PRR12: variants seen among roughly 807,000 people sequenced by gnomAD.
PRR12 encodes the protein proline rich 12.
A neutral mutation model predicts 138.0 loss-of-function variants in PRR12; 12 were observed. The observed-to-expected ratio is 0.09, with a 90% CI of 0.06 to 0.14. The LOEUF is 0.14. PRR12 is among the 10% of genes least tolerant of loss of function. The pLI is 1.00. For synonymous variants in PRR12, 1,567 were observed against 1,291.7 expected (o/e 1.21, Z -4.57); for missense variants, 2,692 against 2,861.3 (o/e 0.94, Z 1.35).
rs764931342 is a variant in PRR12, at chr19:49,620,505, G to T, written c.5623+28G>T. On this transcript the variant is annotated intron_variant, in intron 10 of 13. Transcript: ENST00000418929. Reference sequence around the variant, plus strand: ...GAGCTGAGGCCTGGGGAGGAGGGGGGGGGGCTGACTCGGTCTGAGGGAGCA... The same window carrying T: ...GAGCTGAGGCCTGGGGAGGAGGGGGTGGGGCTGACTCGGTCTGAGGGAGCA... 517 of 1,534,460 alleles carry T rather than the reference G, an allele frequency of 3.4e-4. 4 individuals carry two copies. The highest frequency in any genetic ancestry group is 2.4e-3 in the Middle Eastern group (14 of 5,946).
rs1326865375 is a variant in PRR12 at position 49,599,959 on chromosome 19, C to T, written c.4345+21C>T. ...TCCCGGTGAGCTCTGGGCAGGTGGT[C>T]TGGGAGTAGAGCTTAAAGGTTATTA... On this transcript the variant is annotated intron_variant, in intron 5 of 13. Transcript: ENST00000418929. The surrounding 1 kb of genome is among the most constrained non-coding windows in gnomAD (Gnocchi z 5.0). The T allele has an allele frequency of 6.4e-7, 1 of 1,570,620 alleles. No homozygotes were observed. Among genetic ancestry groups the T allele is most frequent in the Admixed American group, 1.8e-5 (1 of 54,920 alleles).
rs1488654441 is a variant in PRR12, at chr19:49,595,298, C to G, written c.963C>G (p.Pro321=). Reference sequence around the variant, plus strand: ...ATCTGAGCTGTGGAGGCAGCTACCCCTCCATGGGCCACCGGGCCAACCTGG... The same window carrying G: ...ATCTGAGCTGTGGAGGCAGCTACCCGTCCATGGGCCACCGGGCCAACCTGG... ...QHYLSCGGSY[P]SMGHRANLAC... is the part of the protein sequence containing the mutation. The change falls in exon 4 of 14, where the codon CCC becomes CCG. Residue 321 remains proline, a synonymous_variant. Transcript: ENST00000418929. The G allele has an allele frequency of 1.3e-6, 2 of 1,545,364 alleles. No homozygotes were observed. Among genetic ancestry groups the G allele is most frequent in the Admixed American group, 3.9e-5 (2 of 51,014 alleles).
intron 6 of PRR12, among the ~76,000 whole-genome samples, chr19:49,605,120 G>A (rs2080831838): frequency 6.6e-6 from 1 of 151,900 alleles, no homozygotes. Flanking sequence ...CAAAGTGCTG[G>A]GATTACAGGA....
At chr19:49,603,519 C>T (rs1306436778) in intron 6 of PRR12, among the ~76,000 whole-genome samples, 1 of 152,116 alleles carries the variant, frequency 6.6e-6, no homozygotes, top group African/African-American at 2.4e-5. Context: ...GGTGAAACCC[C>T]GTCTTTACTA....
rs184147264 is a variant in PRR12 at position 49,616,291 on chromosome 19, G to C, written c.5497+72G>C. On this transcript the variant is annotated intron_variant, in intron 9 of 13. Transcript: ENST00000418929. This position sits in a 1 kb window ranked among gnomAD's most constrained non-coding sequence, Gnocchi z 4.2. ...GACACAGGTGAGGGCTGTCCAGAGG[G>C]CTCCAGGTAGCCTTGGCAGGACAGT... 2.3e-6 allele frequency: 3 copies of C among 1,325,336 alleles called. No homozygotes were observed. The highest frequency in any genetic ancestry group is 3.0e-5 in the African/African-American group (2 of 67,110). 82.1% of individuals were successfully genotyped at this position (1,325,336 alleles called of 1,614,324 possible).
chr19:49,596,155 G>T lies in PRR12; in HGVS notation c.1820G>T (p.Ser607Ile), dbSNP rs572238903. Residue 607 changes from serine (S) to isoleucine (I), a missense_variant, in exon 4 of 14, where the codon AGC becomes ATC. Physicochemically the swap from Ser to Ile is moderately radical, Grantham distance 142. Transcript: ENST00000418929. This position sits in a 1 kb window ranked among gnomAD's most constrained non-coding sequence, Gnocchi z 5.6. ...APFLAPPGAG[S>I]YAAGAGGYKG... is the part of the protein sequence containing the mutation. ...TTCCTGGCACCTCCGGGAGCTGGCAGCTATGCAGCCGGAGCAGGTGGCTAC... is the reference window on the plus strand; with the variant it reads ...TTCCTGGCACCTCCGGGAGCTGGCATCTATGCAGCCGGAGCAGGTGGCTAC... The T allele has an allele frequency of 7.5e-6, 12 of 1,607,840 alleles. No individual in the cohort carries two copies. Among genetic ancestry groups the T allele is most frequent in the Middle Eastern group, 1.7e-4 (1 of 6,060 alleles).
intron 9 of PRR12, among the ~76,000 whole-genome samples, chr19:49,618,104 T>G (rs1032054948): frequency 6.6e-6 from 1 of 152,200 alleles, no homozygotes; most frequent in South Asian, 2.1e-4. Flanking sequence ...TCTCAATAAA[T>G]GAATGAACGA....
At position 49,595,891 on chromosome 19, in the gene PRR12, C is replaced by T; in HGVS notation, c.1556C>T (p.Ala519Val). The T allele has an allele frequency of 6.2e-7, 1 of 1,603,430 alleles. No homozygotes were observed. Among genetic ancestry groups the T allele is most frequent in the Non-Finnish European group, 8.5e-7 (1 of 1,179,520 alleles). ...GGCGAGCCATACCCAGGGCCAGCCG[C>T]CCACTCCCAGGGGCTGCCCACAGCC... Reference protein sequence around the residue: ...VQGEPYPGPAAHSQGLPTASP... With the variant: ...VQGEPYPGPAVHSQGLPTASP... The change falls in exon 4 of 14, where the codon GCC (alanine) becomes GTC (valine). Residue 519 changes from alanine (A) to valine (V), a missense_variant. Physicochemically the swap from Ala to Val is moderately conservative, Grantham distance 64. Transcript: ENST00000418929.
In PRR12 at chr19:49,599,970, G is replaced by A; in HGVS notation, c.4345+32G>A. The A allele has an allele frequency of 6.5e-7, 1 of 1,542,846 alleles. No homozygotes were observed. Among genetic ancestry groups the A allele is most frequent in the Non-Finnish European group, 8.8e-7 (1 of 1,142,418 alleles). ...TCTGGGCAGGTGGTCTGGGAGTAGA[G>A]CTTAAAGGTTATTATGATCACTAGG... is the stretch of plus-strand genomic sequence containing the variant. On this transcript the variant is annotated intron_variant, in intron 5 of 13. Transcript: ENST00000418929. The surrounding 1 kb of genome is among the most constrained non-coding windows in gnomAD (Gnocchi z 5.0).
chr19:49,606,846 C>T (rs920953197), intron 6 of PRR12, among the ~76,000 whole-genome samples: 1 of 151,308 alleles, frequency 6.6e-6, no homozygotes, highest in African/African-American at 2.4e-5. Flanking sequence ...GGGGTTTCAC[C>T]ATGTTGGTCA....
In PRR12 at chr19:49,594,814, G is replaced by A; in HGVS notation, c.479G>A (p.Arg160His). 1.2e-6 allele frequency: 2 copies of A among 1,611,960 alleles called. No individual in the cohort carries two copies. The highest frequency in any genetic ancestry group is 1.7e-6 in the Non-Finnish European group (2 of 1,179,418). ...AYQHPASFGSRPFPVPSSLSL... is the reference protein window; with the variant it reads ...AYQHPASFGSHPFPVPSSLSL... ...CAACACCCGGCTTCCTTCGGCAGCC[G>A]CCCCTTCCCAGTGCCCTCGTCCCTC... The change falls in exon 4 of 14, where the codon CGC becomes CAC. Residue 160 changes from arginine to histidine, a missense_variant. Around this residue, in one of 11 missense-constraint regions of PRR12, gnomAD observed 211 missense variants for 266.3 expected, o/e 0.79. Coordinates refer to ENST00000418929, the MANE Select transcript of PRR12 (RefSeq NM_020719.3). This position sits in a 1 kb window ranked among gnomAD's most constrained non-coding sequence, Gnocchi z 5.6.
chr19:49,624,401 G>C (rs745704223), intron 11 of PRR12, among the ~76,000 whole-genome samples: 14 of 150,006 alleles, frequency 9.3e-5, no homozygotes, highest in Non-Finnish European at 1.6e-4. Context: ...GGGATAGATA[G>C]TTAGGATGGG....
chr19:49,602,147 G>A lies in PRR12; in HGVS notation c.4773+229G>A, dbSNP rs573388866. 1.4e-3 allele frequency among the ~76,000 whole-genome samples: 212 copies of A among 152,312 alleles called. 1 individual carries two copies. The highest frequency in any genetic ancestry group is 3.4e-3 in the Middle Eastern group (1 of 294). On this transcript the variant is annotated intron_variant, in intron 6 of 13. Coordinates refer to ENST00000418929, the MANE Select transcript of PRR12 (RefSeq NM_020719.3). ...GCATTACCTGTATATAAGGTAAAGC[G>A]ATTGTTAACGCGTATGTGTCTATAT...
At position 49,601,695 on chromosome 19, in the gene PRR12, C is replaced by T. The variant is rs776766320; in HGVS notation, c.4550C>T (p.Pro1517Leu). The change falls in exon 6 of 14, where the codon CCA becomes CTA. Residue 1517 changes from proline to leucine, a missense_variant. Pro to Leu is a moderately conservative substitution (Grantham distance 98). This residue lies in a region of PRR12 where 231 missense variants were observed against 200.8 expected (regional missense o/e 1.15). Coordinates refer to ENST00000418929, the MANE Select transcript of PRR12 (RefSeq NM_020719.3). ...ATGCCCTCGCCTCCACCACCACCCCCACCAGCCGCTGCCCCACTGGCTGCT... is the reference window on the plus strand; with the variant it reads ...ATGCCCTCGCCTCCACCACCACCCCTACCAGCCGCTGCCCCACTGGCTGCT... ...PAMPSPPPPP[P>L]PAAAPLAAPP... 8.4e-6 allele frequency: 13 copies of T among 1,539,792 alleles called. No homozygotes were observed. In the East Asian group the frequency reaches 9.8e-5, roughly 12 times the overall value.
chr19:49,607,781 G>A (rs2080846371), intron 6 of PRR12, among the ~76,000 whole-genome samples: 1 of 152,000 alleles, frequency 6.6e-6, no homozygotes, highest in Non-Finnish European at 1.5e-5. Context: ...CACTTTGGGA[G>A]GCTAAAGCAG....
At position 49,595,107 on chromosome 19, in the gene PRR12, G is replaced by A. The variant is rs773941735; in HGVS notation, c.772G>A (p.Ala258Thr). Residue 258 changes from alanine (A) to threonine (T), a missense_variant, in exon 4 of 14, where the codon GCC becomes ACC. Transcript: ENST00000418929. ...LASSSAAAAA[A>T]EQSSPQLYNF... ...TTCCTCTTCCGCTGCCGCCGCCGCTGCCGAGCAGTCCTCCCCACAGCTCTA... is the reference window on the plus strand; with the variant it reads ...TTCCTCTTCCGCTGCCGCCGCCGCTACCGAGCAGTCCTCCCCACAGCTCTA... The A allele has an allele frequency of 6.2e-7, 1 of 1,611,954 alleles. No homozygotes were observed. The highest frequency in any genetic ancestry group is 8.5e-7 in the Non-Finnish European group (1 of 1,179,696).
Position 49,597,764 on chromosome 19 carries a change from C to T in PRR12, c.3429C>T (p.Cys1143=), listed in dbSNP as rs898106269. ...ALSPLGDIDF[C]PPNPGPDGPR... ...CGCCACTGGGGGACATCGACTTCTG[C>T]CCACCCAACCCAGGACCCGATGGCC... is the stretch of plus-strand genomic sequence containing the variant. The change falls in exon 4 of 14, where the codon TGC becomes TGT. Residue 1143 remains cysteine (C), a synonymous_variant. Transcript: ENST00000418929. This position sits in a 1 kb window ranked among gnomAD's most constrained non-coding sequence, Gnocchi z 6.3. The T allele has an allele frequency of 6.2e-7, 1 of 1,603,758 alleles. No homozygotes were observed.
Position 49,599,864 on chromosome 19 carries a change from TGGCCCCCGC to T in PRR12, c.4275_4283del (p.Pro1426_Ala1428del), listed in dbSNP as rs1568424785. 3.1e-6 allele frequency: 5 copies of T among 1,612,944 alleles called. No individual in the cohort carries two copies. The South Asian group carries it at 5.5e-5, about 18-fold the overall frequency. On this transcript the variant is annotated inframe_deletion, in exon 5 of 14. Transcript: ENST00000418929. The surrounding 1 kb of genome is among the most constrained non-coding windows in gnomAD (Gnocchi z 5.0). ...ACTTCCACCCCAGATGGGCCGCCCT[TGGCCCCCGC>T]GGCTGCAGTTCCAGGGCCACCCCCT...
chr19:49,617,202 A>G (rs765375526), intron 9 of PRR12, among the ~76,000 whole-genome samples: 10 of 152,158 alleles, frequency 6.6e-5, no homozygotes, highest in Non-Finnish European at 1.0e-4. Context: ...TCACATATGT[A>G]CAGTAAGGGT....
Sources: allele counts gnomAD v4.1 joint callset (sites outside exome capture counted in the v4.1 genomes callset), GRCh38; gene constraint gnomAD v4.1.1; regional missense constraint gnomAD v4.1.1; non-coding constraint Gnocchi (gnomAD v3.1); transcripts MANE v1.5; gene names NCBI Gene and HGNC (gene_info 2026-07-23, HGNC 2026-07-21).